GAS6: variants seen among roughly 807,000 people sequenced by gnomAD.
GAS6 encodes growth arrest specific 6.
Under a neutral mutation model 75.8 loss-of-function variants are expected in GAS6, and 41 were observed. That is an observed-to-expected ratio of 0.54 (90% CI 0.42 to 0.70). The LOEUF (loss-of-function observed/expected upper bound fraction) is 0.70. Among genes scored for constraint, GAS6 ranks in the 30% least tolerant of loss-of-function variants. The probability of loss-of-function intolerance (pLI) is 0.00; values close to 1 mark genes in which losing one functional copy is unlikely to be tolerated. For synonymous variants in GAS6, 432 were observed against 412.6 expected, an observed-to-expected ratio of 1.05 and a Z score of -0.57; for missense variants, 854 against 940.2, an observed-to-expected ratio of 0.91 and a Z score of 1.20.
chr13:113,828,013 C>A (rs981386101), intron 11 of GAS6, among the ~76,000 whole-genome samples: 37 of 152,212 alleles, frequency 2.4e-4, no homozygotes, highest in Non-Finnish European at 1.5e-5. Context: ...CGGTGGCTCA[C>A]GCCTGTAATC....
chr13:113,834,580 T>TGAGGCCCCCACGCCC lies in GAS6; in HGVS notation c.790_804dup (p.Gly264_Leu268dup). The stretch of plus-strand genomic sequence containing the variant: ...CAGGTGTCCATGTCCTGGGACAGCT[T>TGAGGCCCCCACGCCC]GAGGCCCCCACGCCCGTCACAGTGG... On this transcript the variant is annotated inframe_insertion, in exon 8 of 15. Transcript: ENST00000327773. 1 of 1,603,338 alleles carries TGAGGCCCCCACGCCC rather than the reference T, an allele frequency of 6.2e-7. No homozygotes were observed.
Position 113,828,662 on chromosome 13 carries a change from T to A in GAS6, c.1193A>T (p.Asp398Val). ...ARNLVIKVNR[D>V]AVMKIAVAGD... ...GGCCACCGCGATTTTCATGACAGCA[T>A]CCCTGTTGACCTTGATGACCAGATT... The change falls in exon 11 of 15, where the codon GAT becomes GTT. Residue 398 changes from aspartate to valine, a missense_variant. By Grantham distance (152) the Asp-to-Val change is radical. Transcript: ENST00000327773. 6.2e-7 allele frequency: 1 copy of A among 1,613,582 alleles called. No individual in the cohort carries two copies. The highest frequency in any genetic ancestry group is 1.1e-5 in the South Asian group (1 of 91,080).
chr13:113,848,319 C>T lies in GAS6; in HGVS notation c.256-269G>A, dbSNP rs1436964877. Among the ~76,000 whole-genome samples, 1 of 152,144 alleles carries T rather than the reference C, an allele frequency of 6.6e-6. No individual in the cohort carries two copies. Among genetic ancestry groups the T allele is most frequent in the Admixed American group, 6.5e-5 (1 of 15,276 alleles). On this transcript the variant is annotated intron_variant, in intron 2 of 14. Transcript: ENST00000327773. The surrounding 1 kb of genome is among the most constrained non-coding windows in gnomAD (Gnocchi z 4.8). ...AGGACAAGAATGCTTCCAAGTAAAA[C>T]CCCACTCTTAGTTCCCTGTTGACAT...
Position 113,832,342 on chromosome 13 carries a change from A to G in GAS6, c.1100T>C (p.Val367Ala). ...GTTGATGACCGGGCCGCTGCTGGTGACACGGCCGACACCGTTGTAGCGCAG... is the reference window on the plus strand; with the variant it reads ...GTTGATGACCGGGCCGCTGCTGGTGGCACGGCCGACACCGTTGTAGCGCAG... ...LQLRYNGVGR[V>A]TSSGPVINHG... The change falls in exon 10 of 15, where the codon GTC (valine) becomes GCC (alanine). Residue 367 changes from valine (V) to alanine (A), a missense_variant. Transcript: ENST00000327773. 1 of 1,604,388 alleles carries G rather than the reference A, an allele frequency of 6.2e-7. No individual in the cohort carries two copies. The highest frequency in any genetic ancestry group is 8.5e-7 in the Non-Finnish European group (1 of 1,179,830).
In GAS6 at chr13:113,824,127, A is replaced by AC. The variant is rs751793664; in HGVS notation, c.1478-578dup. Among the ~76,000 whole-genome samples, 836 of 119,692 alleles carry AC rather than the reference A, an allele frequency of 7.0e-3. 36 individuals are homozygous for AC. The highest frequency in any genetic ancestry group is 0.011 in the Non-Finnish European group (632 of 58,426). The allele number at this position is 119,692 out of a possible 152,430, so 78.5% of individuals were successfully genotyped here. On this transcript the variant is annotated intron_variant, in intron 12 of 14. Coordinates refer to ENST00000327773, the MANE Select transcript of GAS6 (RefSeq NM_000820.4). ...GTCTGAGTTCTGAGCTGTCAGGAGC[A>AC]CCGTGGTCTGGGGTCTGAGCTGTCG...
intron 14 of GAS6, 58 bp from the exon 15 acceptor site, chr13:113,821,076 GCC>G: frequency 6.3e-7 from 1 of 1,575,754 alleles, no homozygotes; most frequent in Non-Finnish European, 8.7e-7. Context: ...GCCCCGCCTG[GCC>G]CCCCCACCCC....
At chr13:113,853,838 G>A (rs2051894000) in intron 2 of GAS6, among the ~76,000 whole-genome samples, 1 of 152,230 alleles carries the variant, frequency 6.6e-6, no homozygotes, top group South Asian at 2.1e-4. Context: ...TGGCCTGGCA[G>A]CCCGGCTCTA....
At position 113,863,644 on chromosome 13, in the gene GAS6, C is replaced by G; in HGVS notation, c.186G>C (p.Glu62Asp). The G allele has an allele frequency of 2.0e-6, 3 of 1,525,800 alleles. No homozygotes were observed. The South Asian group carries it at 3.7e-5, about 19-fold the overall frequency. 94.5% of individuals were successfully genotyped at this position (1,525,800 alleles called of 1,614,324 possible). ...TGCACAGCTCCTCCACGCACTCCCT[C>G]TCCAGGTGGCCCTGCTTGGCCTCCT... The part of the protein sequence containing the change: ...VFEEAKQGHL[E>D]RECVEELCSR... Residue 62 changes from glutamate to aspartate, a missense_variant, in exon 2 of 15, where the codon GAG becomes GAC. By Grantham distance (45) the Glu-to-Asp change is conservative (BLOSUM62 2). Transcript: ENST00000327773. The surrounding 1 kb of genome is among the most constrained non-coding windows in gnomAD (Gnocchi z 9.4).
At chr13:113,825,051 T>G (rs989171841) in intron 12 of GAS6, among the ~76,000 whole-genome samples, 36 of 151,704 alleles carry the variant, frequency 2.4e-4, no homozygotes, top group African/African-American at 8.7e-4. Context: ...AAACCCCATC[T>G]CTACTAAAAA....
chr13:113,863,725 C>A lies in GAS6; in HGVS notation c.105G>T (p.Ala35=), dbSNP rs2051992514. 2 of 1,499,056 alleles carry A rather than the reference C, an allele frequency of 1.3e-6. No individual in the cohort carries two copies. The highest frequency in any genetic ancestry group is 1.8e-6 in the Non-Finnish European group (2 of 1,128,380). The allele number at this position is 1,499,056 out of a possible 1,614,324, so 92.9% of individuals were successfully genotyped here. The part of the protein sequence containing the change: ...AECALAALLP[A]REATQFLRPR... ...GCCGCAGGAACTGCGTGGCCTCGCG[C>A]GCCGGCAACAGCGCGGCTGCCCGGA... The change falls in exon 2 of 15, where the codon GCG becomes GCT. Residue 35 remains alanine, a synonymous_variant. Transcript: ENST00000327773. The surrounding 1 kb of genome is among the most constrained non-coding windows in gnomAD (Gnocchi z 9.4).
intron 11 of GAS6, among the ~76,000 whole-genome samples, chr13:113,827,450 T>C (rs749338631): frequency 6.6e-6 from 1 of 152,206 alleles, no homozygotes. Flanking sequence ...AGAGTATGGA[T>C]TGTTCAACCA....
At chr13:113,831,139 C>T (rs1566358626) in intron 10 of GAS6, among the ~76,000 whole-genome samples, 3 of 152,210 alleles carry the variant, frequency 2.0e-5, no homozygotes, top group South Asian at 2.1e-4. Context: ...TCTCGCTCCA[C>T]GGATGGGGAT....
At chr13:113,847,716 G>A (rs116444011) in intron 3 of GAS6, 5,590 of 410,816 alleles carry the variant, frequency 0.014, 300 homozygotes, top group African/African-American at 0.11. Context: ...TAGTGCTGAG[G>A]TCAGAAAACC....
chr13:113,822,089 C>T lies in GAS6; in HGVS notation c.1751G>A (p.Gly584Asp). ...GCCGTCCACCTCCAGGGTGGCCTCA[C>T]CGTCCCTCAGCGAGACGGTGACCAC... Reference protein sequence around the residue: ...EHVVTVSLRDGEATLEVDGTR... With the variant: ...EHVVTVSLRDDEATLEVDGTR... Residue 584 changes from glycine (G) to aspartate (D), a missense_variant, in exon 14 of 15, where the codon GGT (glycine) becomes GAT (aspartate). Gly to Asp is a moderately conservative substitution (Grantham distance 94, BLOSUM62 -1). Coordinates refer to ENST00000327773, the MANE Select transcript of GAS6 (RefSeq NM_000820.4). 1 of 1,597,636 alleles carries T rather than the reference C, an allele frequency of 6.3e-7. No individual in the cohort carries two copies. Among genetic ancestry groups the T allele is most frequent in the Non-Finnish European group, 8.5e-7 (1 of 1,174,074 alleles).
At position 113,845,306 on chromosome 13, in the gene GAS6, A is replaced by G. The variant is rs1308464691; in HGVS notation, c.343+1221T>C. 6.7e-6 allele frequency: 1 copy of G among 148,788 alleles called. No homozygotes were observed. Among genetic ancestry groups the G allele is most frequent in the East Asian group, 1.9e-4 (1 of 5,158 alleles). 9.2% of individuals were successfully genotyped at this position (148,788 alleles called of 1,614,324 possible). A position where few individuals can be genotyped will look rare whatever the true frequency, so the allele number is the denominator to read the frequency against. The stretch of plus-strand genomic sequence containing the variant: ...GGGGAGCGGGACTGAGCCACCTCTG[A>G]CTCCTTCTGCTGACTGGGATCCAGC... On this transcript the variant is annotated intron_variant, in intron 4 of 14. Coordinates refer to ENST00000327773, the MANE Select transcript of GAS6 (RefSeq NM_000820.4). This position sits in a 1 kb window ranked among gnomAD's most constrained non-coding sequence, Gnocchi z 4.3.
chr13:113,840,058 G>A (rs967994741), intron 4 of GAS6: 3 of 626,498 alleles, frequency 4.8e-6, no homozygotes, highest in African/African-American at 3.8e-5. Flanking sequence ...GCCGGCTCCA[G>A]GAAAACTCAG....
At chr13:113,834,879 AGGG>A (rs2051682401) in intron 7 of GAS6, 1 of 447,214 alleles carries the variant, frequency 2.2e-6, no homozygotes, top group African/African-American at 2.0e-5. Flanking sequence ...CTCTTTCTTG[AGGG>A]AATAAAAATG....
intron 4 of GAS6, chr13:113,843,693 T>G (rs7399860): frequency 0.12 from 18,087 of 151,024 alleles, 1,732 homozygotes; most frequent in East Asian, 0.34. Context: ...TTCCCAGGCC[T>G]CCTCCCTCCG....
At position 113,832,493 on chromosome 13, in the gene GAS6, G is replaced by C. The variant is rs774474465; in HGVS notation, c.954-5C>G. 6.3e-6 allele frequency: 10 copies of C among 1,595,810 alleles called. 1 individual carries two copies. In the South Asian group the frequency reaches 1.1e-4, roughly 18 times the overall value. On this transcript the variant is annotated splice_polypyrimidine_tract_variant and splice_region_variant and intron_variant, in intron 9 of 14. Transcript: ENST00000327773. Reference sequence around the variant, plus strand: ...AAGTCAAACTCAGCTACCAGCCTGGGCACCCACAGGAGAAATGAGTCAGCA... The same window carrying C: ...AAGTCAAACTCAGCTACCAGCCTGGCCACCCACAGGAGAAATGAGTCAGCA...
Sources: allele counts gnomAD v4.1 joint callset (sites outside exome capture counted in the v4.1 genomes callset), GRCh38; gene constraint gnomAD v4.1.1; non-coding constraint Gnocchi (gnomAD v3.1); transcripts MANE v1.5; gene names NCBI Gene and HGNC (gene_info 2026-07-23, HGNC 2026-07-21).